Variants in YIPF7 observed in about 807,000 individuals in gnomAD.
YIPF7 encodes Yip1 domain family member 7.
YIPF7 carries 35 observed loss-of-function variants against 27.2 expected under a neutral mutation model. That is an observed-to-expected ratio of 1.29 (90% CI 0.98 to 1.70). The LOEUF (loss-of-function observed/expected upper bound fraction) is 1.70, where lower values mean the gene tolerates loss of function less well. Among genes scored for constraint, YIPF7 ranks in the 40% most tolerant of loss-of-function variants. YIPF7 has a pLI of 0.00. For synonymous variants in YIPF7, 137 were observed against 110.4 expected (o/e 1.24, Z -1.51); for missense variants, 358 against 303.7 (o/e 1.18, Z -1.33).
At chr4:44,645,286 T>C (rs956088287) in intron 2 of YIPF7, among the ~76,000 whole-genome samples, 1 of 152,226 alleles carries the variant, frequency 6.6e-6, no homozygotes, top group East Asian at 1.9e-4. Context: ...TTTTCCTTTT[T>C]TTACTAAGTG....
At chr4:44,636,320 G>A (rs1309655146) in intron 2 of YIPF7, among the ~76,000 whole-genome samples, 1 of 152,170 alleles carries the variant, frequency 6.6e-6, no homozygotes, top group Non-Finnish European at 1.5e-5. Context: ...TGGACAACAT[G>A]CTGAATGCTT....
At chr4:44,636,128 G>A (rs2109586487) in intron 2 of YIPF7, 43 bp from the exon 3 acceptor site, 1 of 1,540,570 alleles carries the variant, frequency 6.5e-7, no homozygotes, top group Non-Finnish European at 8.8e-7. Context: ...CTAAGAAAAA[G>A]GTATCATGAC....
At chr4:44,662,076 C>G (rs1714053096) in intron 1 of YIPF7, among the ~76,000 whole-genome samples, 1 of 152,178 alleles carries the variant, frequency 6.6e-6, no homozygotes, top group South Asian at 2.1e-4. Context: ...ATTATACCAA[C>G]TGTTGTGCTG....
At chr4:44,649,900 C>T (rs1713663456) in intron 2 of YIPF7, 85 bp downstream of exon 2, 1 of 762,952 alleles carries the variant, frequency 1.3e-6, no homozygotes, top group Admixed American at 3.1e-5. Context: ...TTCATAATAA[C>T]TACAATATAT....
At chr4:44,661,930 A>C (rs1438028054) in intron 1 of YIPF7, among the ~76,000 whole-genome samples, 3 of 152,196 alleles carry the variant, frequency 2.0e-5, no homozygotes, top group Non-Finnish European at 2.9e-5. Flanking sequence ...GGTTCAAGGC[A>C]CTCACAACTT....
At chr4:44,626,210 A>G (rs145749427) in intron 4 of YIPF7, among the ~76,000 whole-genome samples, 60 of 152,180 alleles carry the variant, frequency 3.9e-4, no homozygotes, top group African/African-American at 1.3e-3. Flanking sequence ...ATAAATTCTT[A>G]TGATACCTTC....
intron 5 of YIPF7, 100 bp from the exon 6 acceptor site, chr4:44,622,676 C>G: frequency 7.2e-7 from 1 of 1,396,632 alleles, no homozygotes; most frequent in Non-Finnish European, 9.7e-7. Flanking sequence ...TTTATAACTA[C>G]TTTCCCGAGT....
At chr4:44,660,133 A>AAAAAAAAAAAAAAAAG (rs1249037733) in intron 2 of YIPF7, among the ~76,000 whole-genome samples, 2 of 148,044 alleles carry the variant, frequency 1.4e-5, no homozygotes, top group Non-Finnish European at 3.0e-5. Flanking sequence ...AAAAAAAAAA[A>AAAAAAAAAAAAAAAAG]AAACGAACCT....
chr4:44,624,880 T>G (rs1712576704), intron 4 of YIPF7, 98 bp from the exon 5 acceptor site: 2 of 1,108,488 alleles, frequency 1.8e-6, no homozygotes, highest in Non-Finnish European at 2.5e-6. Context: ...GTCAGTTCAG[T>G]GCTGTTCCAT....
chr4:44,622,365 A>G lies in YIPF7; in HGVS notation c.*49T>C, dbSNP rs1712470252. The G allele has an allele frequency of 6.4e-6, 10 of 1,555,462 alleles. No individual in the cohort carries two copies. Among genetic ancestry groups the G allele is most frequent in the Non-Finnish European group, 7.8e-6 (9 of 1,153,082 alleles). ...AATTTGAATGTTAATATATTTCCAA[A>G]ATAATCTGGACAGCAAACAGAGTCT... is the stretch of plus-strand genomic sequence containing the variant. On this transcript the variant is annotated 3_prime_UTR_variant, in exon 6 of 6. Transcript: ENST00000415895.
intron 3 of YIPF7, among the ~76,000 whole-genome samples, chr4:44,633,137 AG>A (rs1277404723): frequency 1.3e-5 from 2 of 152,212 alleles, no homozygotes; most frequent in African/African-American, 4.8e-5. Context: ...CTGAAGTGGA[AG>A]AGTTTCATCT....
chr4:44,645,902 T>C (rs1019129762), intron 2 of YIPF7, among the ~76,000 whole-genome samples: 7 of 152,116 alleles, frequency 4.6e-5, no homozygotes, highest in East Asian at 1.9e-4. Flanking sequence ...TACACATTCA[T>C]AGGAAAATAG....
At chr4:44,659,278 A>G (rs559367002) in intron 2 of YIPF7, among the ~76,000 whole-genome samples, 71 of 151,522 alleles carry the variant, frequency 4.7e-4, no homozygotes, top group Non-Finnish European at 8.7e-4. Context: ...CTTCAAAGTC[A>G]GAGTCAGGGA....
chr4:44,643,253 G>T (rs908146416), intron 2 of YIPF7, among the ~76,000 whole-genome samples: 21 of 152,172 alleles, frequency 1.4e-4, no homozygotes. Context: ...GGTGCATTGT[G>T]CCCCCTTCTC....
At chr4:44,641,170 G>A (rs1426275626) in intron 2 of YIPF7, among the ~76,000 whole-genome samples, 1 of 151,974 alleles carries the variant, frequency 6.6e-6, no homozygotes, top group Non-Finnish European at 1.5e-5. Context: ...GCTGGTCTTG[G>A]CCATGTATGC....
At chr4:44,658,835 C>T (rs1053128585) in intron 2 of YIPF7, among the ~76,000 whole-genome samples, 3 of 152,080 alleles carry the variant, frequency 2.0e-5, no homozygotes, top group Admixed American at 1.3e-4. Context: ...TTATTCACTA[C>T]CATGAGAACA....
At chr4:44,654,058 T>C (rs1249522990), upstream of YIPF7, among the ~76,000 whole-genome samples, 1 of 152,006 alleles carries the variant, frequency 6.6e-6, no homozygotes, top group Non-Finnish European at 1.5e-5. Flanking sequence ...CTCAAGTGAA[T>C]TATAAACCAT....
intron 2 of YIPF7, among the ~76,000 whole-genome samples, chr4:44,639,501 C>G (rs900663296): frequency 7.9e-5 from 12 of 151,976 alleles, no homozygotes; most frequent in Admixed American, 7.9e-4. Context: ...ACAGTTATTG[C>G]TGTATAGAAA....
intron 1 of YIPF7, among the ~76,000 whole-genome samples, chr4:44,650,532 C>CACAT (rs1553873572): frequency 6.6e-6 from 1 of 151,580 alleles, no homozygotes; most frequent in East Asian, 1.9e-4. Flanking sequence ...CACACACACA[C>CACAT]TTGTACCAAG....
Sources: allele counts gnomAD v4.1 joint callset (sites outside exome capture counted in the v4.1 genomes callset), GRCh38; gene constraint gnomAD v4.1.1; transcripts MANE v1.5; gene names NCBI Gene and HGNC (gene_info 2026-07-23, HGNC 2026-07-21).